Variants in PYROXD2 observed in about 807,000 individuals in gnomAD.
The protein encoded by PYROXD2 is pyridine nucleotide-disulphide oxidoreductase domain 2, also known as pyridine nucleotide-disulfide oxidoreductase domain-containing protein 2.
In PYROXD2, 69 loss-of-function variants were observed where a neutral mutation model predicts 71.1. The observed-to-expected ratio is 0.97, with a 90% CI of 0.80 to 1.19. The LOEUF (loss-of-function observed/expected upper bound fraction) is 1.19, where lower values mean the gene tolerates loss of function less well. Ranked by LOEUF, PYROXD2 falls within the 50% of genes most tolerant of loss-of-function variation. The pLI is 0.00. For synonymous variants in PYROXD2, 287 were observed against 302.7 expected (o/e 0.95, Z 0.54); for missense variants, 745 against 748.9 (o/e 0.99, Z 0.06).
intron 2 of PYROXD2, among the ~76,000 whole-genome samples, chr10:98,409,978 T>C (rs1843731310): frequency 1.3e-5 from 2 of 152,070 alleles, no homozygotes; most frequent in East Asian, 1.9e-4. Context: ...CTCAGGAGAT[T>C]GAGGCAGGAG....
At chr10:98,392,708 C>T in intron 9 of PYROXD2, 142 bp from the exon 10 acceptor site, 1 of 1,390,132 alleles carries the variant, frequency 7.2e-7, no homozygotes, top group Non-Finnish European at 9.6e-7. Context: ...TCTGCAGCTT[C>T]TCCATGAAGC....
chr10:98,385,097 CAGGAGAGTTA>C, intron 14 of PYROXD2, 30 bp from the exon 15 acceptor site: 2 of 1,612,498 alleles, frequency 1.2e-6, no homozygotes, highest in Admixed American at 3.3e-5. Flanking sequence ...GTCATCAGCA[CAGGAGAGTTA>C]CAGCCTTTCC....
chr10:98,394,983 C>T (rs1843107690), intron 8 of PYROXD2, among the ~76,000 whole-genome samples: 1 of 152,086 alleles, frequency 6.6e-6, no homozygotes. Flanking sequence ...AGCTGAGTGG[C>T]TTTGGGCAAG....
At chr10:98,384,542 A>G (rs1040410344) in intron 15 of PYROXD2, among the ~76,000 whole-genome samples, 5 of 152,200 alleles carry the variant, frequency 3.3e-5, no homozygotes, top group Non-Finnish European at 7.3e-5. Flanking sequence ...ACTTGAGCCC[A>G]GGAGGTTGAG....
intron 12 of PYROXD2, 58 bp downstream of exon 12, chr10:98,390,540 C>T (rs1449828494): frequency 6.6e-7 from 1 of 1,504,902 alleles, no homozygotes; most frequent in Non-Finnish European, 8.9e-7. Context: ...CATGGACAGC[C>T]CCGCCTCCCA....
rs745350819 is a variant in PYROXD2 at position 98,397,407 on chromosome 10, T to A, written c.563A>T (p.Gln188Leu). The change falls in exon 6 of 16, where the codon CAG (glutamine) becomes CTG (leucine). Residue 188 changes from glutamine to leucine, a missense_variant. Coordinates refer to ENST00000370575, the MANE Select transcript of PYROXD2 (RefSeq NM_032709.3). ...CATCCTTTGCAGCAAGGAGCCATGC[T>A]GGAAGGCCGCCATGTCCACGGGGGC... The part of the protein sequence containing the change: ...DAAPVDMAAF[Q>L]HGSLLQRMRS... 3 of 1,613,450 alleles carry A rather than the reference T, an allele frequency of 1.9e-6. No homozygotes were observed. The highest frequency in any genetic ancestry group is 2.5e-6 in the Non-Finnish European group (3 of 1,179,606).
chr10:98,411,366 C>T lies in PYROXD2; in HGVS notation c.128-408G>A, dbSNP rs902805116. 1.9e-5 allele frequency: 4 copies of T among 212,050 alleles called. No homozygotes were observed. The East Asian group carries it at 4.0e-4, about 21-fold the overall frequency. 13.1% of individuals were successfully genotyped at this position (212,050 alleles called of 1,614,324 possible). Reference sequence around the variant, plus strand: ...ATGCTGCTGCGCCAACGTCCCGTCTCGCATGGCAGCATCAGCATCCAGGGG... The same window carrying T: ...ATGCTGCTGCGCCAACGTCCCGTCTTGCATGGCAGCATCAGCATCCAGGGG... On this transcript the variant is annotated intron_variant, in intron 1 of 15. Transcript: ENST00000370575.
At position 98,411,357 on chromosome 10, in the gene PYROXD2, G is replaced by A. The variant is rs532702718; in HGVS notation, c.128-399C>T. The A allele has an allele frequency of 7.9e-5, 18 of 227,416 alleles. No individual in the cohort carries two copies. The Admixed American group carries it at 8.3e-4, about 11-fold the overall frequency. 14.1% of individuals were successfully genotyped at this position (227,416 alleles called of 1,614,324 possible). A position where few individuals can be genotyped will look rare whatever the true frequency, so the allele number is the denominator to read the frequency against. On this transcript the variant is annotated intron_variant, in intron 1 of 15. Coordinates refer to ENST00000370575, the MANE Select transcript of PYROXD2 (RefSeq NM_032709.3). ...GTGGCTGGCATGCTGCTGCGCCAAC[G>A]TCCCGTCTCGCATGGCAGCATCAGC...
At chr10:98,398,385 A>G (rs1843274189) in intron 5 of PYROXD2, among the ~76,000 whole-genome samples, 1 of 152,118 alleles carries the variant, frequency 6.6e-6, no homozygotes, top group African/African-American at 2.4e-5. Flanking sequence ...TGGAGGGCAC[A>G]GGAGCAGTGA....
intron 11 of PYROXD2, 69 bp downstream of exon 11, chr10:98,390,941 C>G: frequency 7.1e-7 from 1 of 1,399,696 alleles, no homozygotes; most frequent in Non-Finnish European, 1.0e-6. Flanking sequence ...GTTCAGCTGC[C>G]CCCAGCCTGG....
Position 98,385,555 on chromosome 10 carries a change from G to A in PYROXD2, c.1555-488C>T, listed in dbSNP as rs949173070. Among the ~76,000 whole-genome samples the A allele has an allele frequency of 4.3e-4, 66 of 152,328 alleles. 1 individual carries two copies. Among genetic ancestry groups the A allele is most frequent in the South Asian group, 2.1e-4 (1 of 4,826 alleles). On this transcript the variant is annotated intron_variant, in intron 14 of 15. Coordinates refer to ENST00000370575, the MANE Select transcript of PYROXD2 (RefSeq NM_032709.3). ...CTGGCTTGGGTGAGACCAGCCCCAG[G>A]CTGAGAAGGGAGGCAGCATGGGACA...
chr10:98,408,698 T>C (rs1843690402), intron 2 of PYROXD2, among the ~76,000 whole-genome samples: 1 of 152,124 alleles, frequency 6.6e-6, no homozygotes. Flanking sequence ...AGTGGAAAAA[T>C]CAATAAATAT....
intron 6 of PYROXD2, among the ~76,000 whole-genome samples, chr10:98,397,119 A>G (rs1843213397): frequency 6.6e-6 from 1 of 152,300 alleles, no homozygotes; most frequent in Non-Finnish European, 1.5e-5. Context: ...CTTCCAAATG[A>G]ACTACCCACG....
intron 8 of PYROXD2, among the ~76,000 whole-genome samples, chr10:98,394,300 C>T (rs1175274710): frequency 6.6e-6 from 1 of 152,194 alleles, no homozygotes; most frequent in East Asian, 1.9e-4. Context: ...GAGGCCCCAG[C>T]TGGAAGATCC....
chr10:98,390,922 G>C (rs998618864), intron 11 of PYROXD2, 88 bp downstream of exon 11: 2 of 1,347,146 alleles, frequency 1.5e-6, no homozygotes, highest in Admixed American at 3.4e-5. Flanking sequence ...GAATGGAGAT[G>C]ATGACTGAGT....
chr10:98,398,955 G>T (rs1053617840), intron 5 of PYROXD2, among the ~76,000 whole-genome samples: 1 of 152,130 alleles, frequency 6.6e-6, no homozygotes, highest in Admixed American at 6.5e-5. Context: ...GGGCAACATA[G>T]TGAGACTTTT....
intron 8 of PYROXD2, among the ~76,000 whole-genome samples, chr10:98,393,886 C>T (rs987240883): frequency 1.3e-5 from 2 of 152,148 alleles, no homozygotes; most frequent in Non-Finnish European, 1.5e-5. Flanking sequence ...CAGAACCTCT[C>T]GATTTCCTGG....
At chr10:98,412,658 C>T (rs531700303) in intron 1 of PYROXD2, among the ~76,000 whole-genome samples, 1 of 152,184 alleles carries the variant, frequency 6.6e-6, no homozygotes, top group Non-Finnish European at 1.5e-5. Flanking sequence ...CAGAGGTAAC[C>T]CTTGTCTCAG....
At chr10:98,386,654 G>A (rs557688142) in intron 14 of PYROXD2, among the ~76,000 whole-genome samples, 202 of 151,838 alleles carry the variant, frequency 1.3e-3, no homozygotes, top group African/African-American at 4.6e-3. Flanking sequence ...GGGCTCAAGC[G>A]ATCATCCTGT....
Sources: gnomAD v4.1 joint callset for allele counts (sites outside exome capture counted in the v4.1 genomes callset) on GRCh38, gnomAD v4.1.1 for gene constraint, MANE v1.5 for transcripts, NCBI Gene and HGNC (gene_info 2026-07-23, HGNC 2026-07-21) for gene names.